AREG: variants seen among roughly 807,000 people sequenced by gnomAD.
AREG encodes the protein amphiregulin.
A neutral mutation model predicts 28.0 loss-of-function variants in AREG; 16 were observed. The observed-to-expected ratio is 0.57, with a 90% confidence interval of 0.39 to 0.87. The LOEUF (loss-of-function observed/expected upper bound fraction) is 0.87. Ranked by LOEUF, AREG falls within the 40% of genes least tolerant of loss-of-function variation. AREG has a pLI of 0.00. For missense variants in AREG, 287 were observed against 309.1 expected, an observed-to-expected ratio of 0.93 and a Z score of 0.53; for synonymous variants, 113 against 113.5, an observed-to-expected ratio of 1.00 and a Z score of 0.02.
intron 5 of AREG, 82 bp downstream of exon 5, chr4:74,452,737 G>C (rs1284878055): frequency 6.5e-6 from 8 of 1,237,164 alleles, no homozygotes; most frequent in African/African-American, 3.1e-5. Flanking sequence ...GAAAAATATG[G>C]AATGTGTTCT....
Position 74,446,598 on chromosome 4 carries a change from G to A in AREG, c.126G>A (p.Gly42=). 6.2e-7 allele frequency: 1 copy of A among 1,613,906 alleles called. No homozygotes were observed. Among genetic ancestry groups the A allele is most frequent in the East Asian group, 2.2e-5 (1 of 44,884 alleles). ...TYSGKREPFS[G]DHSADGFEVT... ...CTGGGAAGCGTGAACCATTTTCTGG[G>A]GACCACAGTGCTGATGGATTTGAGG... Residue 42 remains glycine, a synonymous_variant, in exon 2 of 6, where the codon GGG becomes GGA. Coordinates refer to ENST00000395748, the MANE Select transcript of AREG (RefSeq NM_001657.4).
At chr4:74,454,260 T>C (rs1719425099) in intron 5 of AREG, among the ~76,000 whole-genome samples, 1 of 152,230 alleles carries the variant, frequency 6.6e-6, no homozygotes, top group African/African-American at 2.4e-5. Context: ...CACTGAGATT[T>C]TTTAGCATAG....
intron 4 of AREG, among the ~76,000 whole-genome samples, chr4:74,451,878 A>T (rs1301592696): frequency 6.6e-6 from 1 of 152,088 alleles, no homozygotes; most frequent in Admixed American, 6.5e-5. Flanking sequence ...TGTTTGAAAC[A>T]TAAAACAAAC....
chr4:74,446,664 C>G lies in AREG; in HGVS notation c.192C>G (p.Ser64=). 1 of 1,613,868 alleles carries G rather than the reference C, an allele frequency of 6.2e-7. No homozygotes were observed. The highest frequency in any genetic ancestry group is 8.5e-7 in the Non-Finnish European group (1 of 1,179,856). Residue 64 remains serine, a synonymous_variant, in exon 2 of 6, where the codon TCC becomes TCG. Transcript: ENST00000395748. ...RSEMSSGSEI[S]PVSEMPSSSE... ...AGATGTCTTCAGGGAGTGAGATTTC[C>G]CCTGTGAGTGAAATGCCTTCTAGTA...
At chr4:74,452,058 ATAAT>A (rs1040805217) in intron 4 of AREG, among the ~76,000 whole-genome samples, 1 of 152,202 alleles carries the variant, frequency 6.6e-6, no homozygotes, top group African/African-American at 2.4e-5. Context: ...AAGTTTTTAA[ATAAT>A]TGAGTTTTTA....
chr4:74,452,682 A>C, intron 5 of AREG, 27 bp downstream of exon 5: 1 of 1,585,388 alleles, frequency 6.3e-7, no homozygotes, highest in South Asian at 1.2e-5. Flanking sequence ...ATATCTTTAG[A>C]TCATATCCTA....
Position 74,454,517 on chromosome 4 carries a change from A to G in AREG, c.*19-242A>G, listed in dbSNP as rs977873050. Among the ~76,000 whole-genome samples, 85 of 152,312 alleles carry G rather than the reference A, an allele frequency of 5.6e-4. 1 individual carries two copies. The highest frequency in any genetic ancestry group is 1.8e-3 in the African/African-American group (76 of 41,584). On this transcript the variant is annotated intron_variant, in intron 5 of 5. Coordinates refer to ENST00000395748, the MANE Select transcript of AREG (RefSeq NM_001657.4). The stretch of plus-strand genomic sequence containing the variant: ...AGAATTTGATGCAACAGATTTGAGC[A>G]TATGTGGACTTCTACTGAACTAGGT...
chr4:74,446,707 G>A lies in AREG; in HGVS notation c.235G>A (p.Ala79Thr). ...TTCTAGTAGTGAACCGTCCTCGGGA[G>A]CCGACTATGACTACTCAGAAGAGTA... ...MPSSSEPSSG[A>T]DYDYSEEYDN... The change falls in exon 2 of 6, where the codon GCC (alanine) becomes ACC (threonine). Residue 79 changes from alanine to threonine, a missense_variant. By Grantham distance (58) the Ala-to-Thr change is moderately conservative. Transcript: ENST00000395748. 6.2e-7 allele frequency: 1 copy of A among 1,613,972 alleles called. No individual in the cohort carries two copies. Among genetic ancestry groups the A allele is most frequent in the Non-Finnish European group, 8.5e-7 (1 of 1,179,858 alleles).
Position 74,449,239 on chromosome 4 carries a change from T to A in AREG, c.503T>A (p.Val168Glu), listed in dbSNP as rs1411787444. 6.2e-7 allele frequency: 1 copy of A among 1,613,524 alleles called. No homozygotes were observed. The highest frequency in any genetic ancestry group is 1.7e-5 in the Admixed American group (1 of 59,946). The change falls in exon 3 of 6, where the codon GTA (valine) becomes GAA (glutamate). Residue 168 changes from valine to glutamate, a missense_variant. Transcript: ENST00000395748. ...ECKYIEHLEAVTCKCQQEYFG... is the reference protein window; with the variant it reads ...ECKYIEHLEAETCKCQQEYFG... ...AAATATATAGAGCACCTGGAAGCAG[T>A]AACATGCAAGTAAGTTTTCCTAAAG...
Position 74,454,985 on chromosome 4 carries a change from C to T in AREG, c.*245C>T. ...ATGGAAGTGTATTTATTTTACAGCT[C>T]ATTAAACTTTTTTAACCAAACAGAT... On this transcript the variant is annotated 3_prime_UTR_variant, in exon 6 of 6. Transcript: ENST00000395748. 2 of 584,958 alleles carry T rather than the reference C, an allele frequency of 3.4e-6. No homozygotes were observed. Among genetic ancestry groups the T allele is most frequent in the South Asian group, 2.3e-5 (1 of 43,056 alleles). 36.2% of individuals were successfully genotyped at this position (584,958 alleles called of 1,614,324 possible).
intron 5 of AREG, among the ~76,000 whole-genome samples, chr4:74,452,957 T>C (rs1719404562): frequency 6.6e-6 from 1 of 152,022 alleles, no homozygotes; most frequent in Non-Finnish European, 1.5e-5. Flanking sequence ...GTAAAATAAA[T>C]GTCATGAGAA....
chr4:74,452,592 AAAGAAACTTCGAC>A lies in AREG; in HGVS notation c.719_731del (p.Lys240ArgfsTer8), dbSNP rs1719397135. The A allele has an allele frequency of 1.9e-6, 3 of 1,613,640 alleles. No homozygotes were observed. The East Asian group carries it at 6.7e-5, about 36-fold the overall frequency. ...AATATGAAGGAGAAGCTGAGGAACGAAAGAAACTTCGACAAGAGAATGGAAATGTACATGCTAT... is the reference window on the plus strand; with the variant it reads ...AATATGAAGGAGAAGCTGAGGAACGAAAGAGAATGGAAATGTACATGCTAT... On this transcript the variant is annotated frameshift_variant, in exon 5 of 6. Transcript: ENST00000395748. LOFTEE classifies it high-confidence loss of function.
chr4:74,451,136 G>A (rs1719374638), intron 4 of AREG, among the ~76,000 whole-genome samples: 3 of 152,168 alleles, frequency 2.0e-5, no homozygotes. Flanking sequence ...ACATGGCATA[G>A]CAAGCAAGGA....
Position 74,446,640 on chromosome 4 carries a change from G to A in AREG, c.168G>A (p.Glu56=), listed in dbSNP as rs1460078542. 6.2e-7 allele frequency: 1 copy of A among 1,614,004 alleles called. No homozygotes were observed. Among genetic ancestry groups the A allele is most frequent in the East Asian group, 2.2e-5 (1 of 44,876 alleles). The change falls in exon 2 of 6, where the codon GAG becomes GAA. Residue 56 remains glutamate, a synonymous_variant. Coordinates refer to ENST00000395748, the MANE Select transcript of AREG (RefSeq NM_001657.4). ...ADGFEVTSRS[E]MSSGSEISPV... ...GATTTGAGGTTACCTCAAGAAGTGAGATGTCTTCAGGGAGTGAGATTTCCC... is the reference window on the plus strand; with the variant it reads ...GATTTGAGGTTACCTCAAGAAGTGAAATGTCTTCAGGGAGTGAGATTTCCC...
chr4:74,446,678 T>C lies in AREG; in HGVS notation c.206T>C (p.Met69Thr), dbSNP rs545393587. ...AGTGAGATTTCCCCTGTGAGTGAAATGCCTTCTAGTAGTGAACCGTCCTCG... is the reference window on the plus strand; with the variant it reads ...AGTGAGATTTCCCCTGTGAGTGAAACGCCTTCTAGTAGTGAACCGTCCTCG... ...SGSEISPVSE[M>T]PSSSEPSSGA... Residue 69 changes from methionine to threonine, a missense_variant, in exon 2 of 6, where the codon ATG becomes ACG. By Grantham distance (81) the Met-to-Thr change is moderately conservative. Coordinates refer to ENST00000395748, the MANE Select transcript of AREG (RefSeq NM_001657.4). 6.2e-7 allele frequency: 1 copy of C among 1,613,928 alleles called. No individual in the cohort carries two copies. Among genetic ancestry groups the C allele is most frequent in the Non-Finnish European group, 8.5e-7 (1 of 1,179,868 alleles).
At chr4:74,452,200 C>T (rs1213500137) in intron 4 of AREG, among the ~76,000 whole-genome samples, 8 of 152,120 alleles carry the variant, frequency 5.3e-5, no homozygotes, top group African/African-American at 1.9e-4. Flanking sequence ...GTATAGAGTT[C>T]TCCTATGGCA....
Position 74,445,243 on chromosome 4 carries a change from C to G in AREG, c.-103C>G. 3 of 1,547,426 alleles carry G rather than the reference C, an allele frequency of 1.9e-6. No homozygotes were observed. The highest frequency in any genetic ancestry group is 2.4e-5 in the South Asian group (2 of 83,764). On this transcript the variant is annotated 5_prime_UTR_variant, in exon 1 of 6. Transcript: ENST00000395748. ...AGCCTTCGAGAGCGGCGCACACTCC[C>G]GGTCTCCACTCGCTCTTCCAACACC...
intron 2 of AREG, 23 bp from the exon 3 acceptor site, chr4:74,449,024 T>C: frequency 6.2e-7 from 1 of 1,606,442 alleles, no homozygotes; most frequent in Admixed American, 1.7e-5. Context: ...GAGACTCTTG[T>C]CAATAAATCT....
intron 1 of AREG, among the ~76,000 whole-genome samples, chr4:74,445,684 AAAGATTAAAAAGACC>A (rs1337342757): frequency 6.6e-6 from 1 of 152,200 alleles, no homozygotes; most frequent in East Asian, 1.9e-4. Context: ...TCACAGATTA[AAAGATTAAAAAGACC>A]AAGATCTAGA....
Sources: gnomAD v4.1 joint callset for allele counts (sites outside exome capture counted in the v4.1 genomes callset) on GRCh38, gnomAD v4.1.1 for gene constraint, MANE v1.5 for transcripts, NCBI Gene and HGNC (gene_info 2026-07-23, HGNC 2026-07-21) for gene names.